DMD: variants seen among roughly 807,000 people sequenced by gnomAD.
DMD encodes the protein mutant dystrophin.
In DMD, 63 loss-of-function variants were observed where a neutral mutation model predicts 330.1. The observed-to-expected ratio is 0.19, with a 90% confidence interval of 0.16 to 0.24. The LOEUF (loss-of-function observed/expected upper bound fraction) is 0.24, where lower values mean the gene tolerates loss of function less well. Among genes scored for constraint, DMD ranks in the 10% least tolerant of loss-of-function variants. The pLI is 1.00. For synonymous variants in DMD, 1,223 were observed against 959.8 expected (o/e 1.27, Z -5.07); for missense variants, 3,344 against 2,684.1 (o/e 1.25, Z -5.43).
At chrX:32,558,944 T>TTTTTTTTTTTTTTTCC (rs2050660404) in intron 16 of DMD, among the ~76,000 whole-genome samples, 7 of 38,212 alleles carry the variant, frequency 1.8e-4, no homozygotes, top group African/African-American at 5.0e-4. Flanking sequence ...TTTTCTTTTT[T>TTTTTTTTTTTTTTTCC]TTTTTTTTTT....
chrX:32,922,697 T>C, intron 2 of DMD, among the ~76,000 whole-genome samples: 1 of 112,569 alleles, frequency 8.9e-6, no homozygotes, highest in Non-Finnish European at 1.9e-5. Context: ...CACTTCCTGC[T>C]GTTCCCCCTG....
At chrX:33,335,387 G>T (rs2054236933) in intron 1 of DMD, among the ~76,000 whole-genome samples, 1 of 107,975 alleles carries the variant, frequency 9.3e-6, no homozygotes, top group African/African-American at 3.4e-5. Context: ...ATTGTATTTT[G>T]ATGTCATATG....
Position 32,730,034 on chromosome X carries a change from T to C in DMD, c.650-30741A>G, listed in dbSNP as rs571645700. ...GAAACTGCAGTGTTCAGATCCCCAC[T>C]GTTAAAATGTAACGTGGGCCAGGCA... On this transcript the variant is annotated intron_variant, in intron 7 of 78. Transcript: ENST00000357033. 2.1e-4 allele frequency among the ~76,000 whole-genome samples: 23 copies of C among 112,090 alleles called. No homozygotes were observed. In the South Asian group the frequency reaches 8.2e-3, roughly 40 times the overall value.
At chrX:32,818,844 G>C (rs2224075) in intron 5 of DMD, among the ~76,000 whole-genome samples, 1 of 108,148 alleles carries the variant, frequency 9.2e-6, no homozygotes, top group Admixed American at 9.9e-5. Context: ...TGAAGGGGCA[G>C]AGTATAAACA....
In DMD at chrX:32,697,868, A is replaced by G. The variant is rs776457078; in HGVS notation, c.960+2T>C. 1.7e-6 allele frequency: 2 copies of G among 1,210,567 alleles called. No individual in the cohort carries two copies. Among genetic ancestry groups the G allele is most frequent in the Non-Finnish European group, 2.2e-6 (2 of 894,986 alleles). On this transcript the variant is annotated splice_donor_variant, in intron 9 of 78. Coordinates refer to ENST00000357033, the MANE Select transcript of DMD (RefSeq NM_004006.3). LOFTEE classifies it high-confidence loss of function. ...TACAACAGAGAGTAAATGTTGACAG[A>G]CCTGTGAAGGAAATGGGCTCCGTGT...
chrX:31,391,926 A>G (rs748598115), intron 60 of DMD, among the ~76,000 whole-genome samples: 1 of 111,675 alleles, frequency 9.0e-6, no homozygotes, highest in African/African-American at 3.3e-5. Flanking sequence ...AGTAGGAAAA[A>G]TCAAGAAAAG....
chrX:31,863,733 T>A (rs974194091), intron 48 of DMD, among the ~76,000 whole-genome samples: 7 of 111,788 alleles, frequency 6.3e-5, no homozygotes, highest in Non-Finnish European at 9.4e-5. Flanking sequence ...TAGAGAATTT[T>A]AAAAATACTT....
intron 2 of DMD, among the ~76,000 whole-genome samples, chrX:32,948,926 T>C (rs1467899777): frequency 9.0e-6 from 1 of 111,624 alleles, no homozygotes; most frequent in Non-Finnish European, 1.9e-5. Flanking sequence ...ACGATAAAAT[T>C]AAAAATAAGA....
rs951656582 is a variant in DMD, at chrX:32,861,483, T to G, written c.94-11663A>C. On this transcript the variant is annotated intron_variant, in intron 2 of 78. Transcript: ENST00000357033. Reference sequence around the variant, plus strand: ...GAAATTTATATGGCCATAGCAGGACTTTGGTAATCTGAGAAGAGTTTAATA... The same window carrying G: ...GAAATTTATATGGCCATAGCAGGACGTTGGTAATCTGAGAAGAGTTTAATA... 6.3e-5 allele frequency among the ~76,000 whole-genome samples: 7 copies of G among 111,761 alleles called. No homozygotes were observed. The Admixed American group carries it at 6.7e-4, about 11-fold the overall frequency.
At chrX:32,796,331 T>G (rs1365440906) in intron 7 of DMD, among the ~76,000 whole-genome samples, 1 of 111,456 alleles carries the variant, frequency 9.0e-6, no homozygotes, top group Non-Finnish European at 1.9e-5. Flanking sequence ...TGAATGAAAC[T>G]GCAGGTTATT....
chrX:32,366,406 G>A (rs1352227200), intron 34 of DMD, among the ~76,000 whole-genome samples: 2 of 112,036 alleles, frequency 1.8e-5, no homozygotes, highest in African/African-American at 6.5e-5. Flanking sequence ...ATTGGCACTC[G>A]AGTTGAAAAG....
intron 52 of DMD, among the ~76,000 whole-genome samples, chrX:31,692,187 C>T (rs1336520722): frequency 2.7e-5 from 3 of 111,215 alleles, no homozygotes; most frequent in African/African-American, 9.8e-5. Flanking sequence ...AGAAGAAATT[C>T]AAGAGGAAAT....
chrX:31,266,747 T>C, intron 62 of DMD: 2 of 1,101,322 alleles, frequency 1.8e-6, no homozygotes, highest in Admixed American at 2.4e-5. Context: ...GCTTGCCCCC[T>C]GCTCGCGCCA....
intron 1 of DMD, among the ~76,000 whole-genome samples, chrX:33,245,004 CCTG>C (rs2052643570): frequency 9.0e-6 from 1 of 111,390 alleles, no homozygotes. Context: ...GCATATTCTT[CCTG>C]CTACCACTTA....
intron 76 of DMD, among the ~76,000 whole-genome samples, chrX:31,141,784 T>C (rs1345902644): frequency 9.0e-6 from 1 of 111,657 alleles, no homozygotes; most frequent in Non-Finnish European, 1.9e-5. Flanking sequence ...GTGGGAGGTC[T>C]GGGCTGGAAA....
intron 1 of DMD, among the ~76,000 whole-genome samples, chrX:33,033,674 C>T (rs1243358524): frequency 7.3e-5 from 8 of 109,280 alleles, no homozygotes; most frequent in Non-Finnish European, 1.3e-4. Flanking sequence ...GCCGAGATCG[C>T]GCCACTGCAC....
intron 1 of DMD, among the ~76,000 whole-genome samples, chrX:33,324,660 G>C (rs2054064558): frequency 2.7e-5 from 3 of 111,003 alleles, no homozygotes; most frequent in African/African-American, 9.8e-5. Context: ...ATGGGTAATT[G>C]TTCTTAAAAT....
chrX:32,126,314 C>T (rs1043288864), intron 44 of DMD, among the ~76,000 whole-genome samples: 5 of 112,005 alleles, frequency 4.5e-5, no homozygotes, highest in Non-Finnish European at 9.4e-5. Flanking sequence ...CACAGTGAGG[C>T]AAAAGTTGAT....
At chrX:32,676,341 C>CT (rs1306847798) in intron 9 of DMD, among the ~76,000 whole-genome samples, 1 of 111,147 alleles carries the variant, frequency 9.0e-6, no homozygotes, top group African/African-American at 3.3e-5. Flanking sequence ...CATGAAACCT[C>CT]TTTCCTGCTT....
Sources: allele counts gnomAD v4.1 joint callset (sites outside exome capture counted in the v4.1 genomes callset), GRCh38; gene constraint gnomAD v4.1.1; transcripts MANE v1.5; gene names NCBI Gene and HGNC (gene_info 2026-07-23, HGNC 2026-07-21).